FBXL2: variants seen among roughly 807,000 people sequenced by gnomAD.
FBXL2 encodes the protein F-box and leucine rich repeat protein 2, also known as F-box/LRR-repeat protein 2.
Under a neutral mutation model 69.2 loss-of-function variants are expected in FBXL2, and 38 were observed. The ratio of observed to expected loss-of-function variants is 0.55; its 90% CI spans 0.42 to 0.72. The LOEUF is 0.72. FBXL2 is among the 30% of genes least tolerant of loss of function. FBXL2 has a pLI of 0.00. For missense variants in FBXL2, 354 were observed against 520.3 expected (o/e 0.68, Z 3.11); for synonymous variants, 192 against 201.3 (o/e 0.95, Z 0.39).
In FBXL2 at chr3:33,387,180, T is replaced by C. The variant is rs1311406226; in HGVS notation, c.*1572T>C. ...ACCATAGCAGTTAGTTAAATATACA[T>C]TTATACCCACTGTTTGTTGTGGAAG... On this transcript the variant is annotated 3_prime_UTR_variant, in exon 15 of 15. Transcript: ENST00000484457. 2.0e-5 allele frequency: 3 copies of C among 152,154 alleles called. No homozygotes were observed. Among genetic ancestry groups the C allele is most frequent in the African/African-American group, 7.2e-5 (3 of 41,414 alleles). The allele number at this position is 152,154 out of a possible 1,614,324, so 9.4% of individuals were successfully genotyped here.
Position 33,383,957 on chromosome 3 carries a change from T to C in FBXL2, c.952-32T>C, listed in dbSNP as rs780459671. The C allele has an allele frequency of 1.9e-6, 3 of 1,605,602 alleles. No homozygotes were observed. In the African/African-American group the frequency reaches 4.0e-5, roughly 21 times the overall value. On this transcript the variant is annotated intron_variant, in intron 13 of 14. Coordinates refer to ENST00000484457, the MANE Select transcript of FBXL2 (RefSeq NM_012157.5). ...GACTTGAGCCTTGGAATAAGGGTCC[T>C]GCAAACATTTACTCATGTCTTCCTG...
intron 2 of FBXL2, among the ~76,000 whole-genome samples, chr3:33,326,713 GA>G (rs1001752944): frequency 2.6e-5 from 4 of 151,754 alleles, no homozygotes; most frequent in African/African-American, 9.7e-5. Context: ...ATGGTCTTTT[GA>G]AAAAAAATTA....
chr3:33,366,963 AC>A (rs1172680228), intron 5 of FBXL2, among the ~76,000 whole-genome samples: 2 of 152,352 alleles, frequency 1.3e-5, no homozygotes, highest in East Asian at 1.9e-4. Flanking sequence ...AAATAAAAAA[AC>A]AATTTTAAAA....
At chr3:33,418,607 C>T in the FBXL2 span, among the ~76,000 whole-genome samples, 4 of 151,650 alleles carry the variant, frequency 2.6e-5, no homozygotes, top group African/African-American at 9.7e-5. Context: ...GCTTGTAATC[C>T]CAGCACTTTG....
intron 2 of FBXL2, among the ~76,000 whole-genome samples, chr3:33,314,775 T>C (rs926743899): frequency 6.6e-6 from 1 of 152,222 alleles, no homozygotes; most frequent in African/African-American, 2.4e-5. Context: ...TCTTTAAGAA[T>C]TGAGAAGCTA....
chr3:33,379,902 C>T (rs1480415745), intron 13 of FBXL2, among the ~76,000 whole-genome samples: 1 of 152,132 alleles, frequency 6.6e-6, no homozygotes, highest in Non-Finnish European at 1.5e-5. Context: ...AGAAAAATTA[C>T]ATGATCACAT....
intron 2 of FBXL2, among the ~76,000 whole-genome samples, chr3:33,312,360 A>G (rs543576100): frequency 6.6e-5 from 10 of 152,240 alleles, no homozygotes; most frequent in Middle Eastern, 3.4e-3. Context: ...CACCTGGCCT[A>G]TTTCTAATTA....
chr3:33,290,293 G>A (rs1224656611), intron 1 of FBXL2, among the ~76,000 whole-genome samples: 1 of 152,220 alleles, frequency 6.6e-6, no homozygotes, highest in East Asian at 1.9e-4. Context: ...AAAGGATTGA[G>A]CCTCCACTCC....
At chr3:33,339,149 A>G (rs921306573) in intron 2 of FBXL2, among the ~76,000 whole-genome samples, 1 of 152,258 alleles carries the variant, frequency 6.6e-6, no homozygotes, top group African/African-American at 2.4e-5. Flanking sequence ...AAAAGAAGAC[A>G]TACATGTGGC....
chr3:33,283,429 G>A (rs1432754782), intron 1 of FBXL2, among the ~76,000 whole-genome samples: 1 of 152,190 alleles, frequency 6.6e-6, no homozygotes, highest in Non-Finnish European at 1.5e-5. Context: ...GCTTTTTGAT[G>A]TGCTGCTGGA....
At chr3:33,277,288 A>T (rs957749796), upstream of FBXL2, 6 of 396,526 alleles carry the variant, frequency 1.5e-5, no homozygotes, top group Admixed American at 4.4e-5. Flanking sequence ...GATGGACCAG[A>T]TACGAAGTGG....
chr3:33,330,127 T>A (rs1270778330), intron 2 of FBXL2, among the ~76,000 whole-genome samples: 2 of 151,654 alleles, frequency 1.3e-5, no homozygotes, highest in Non-Finnish European at 2.9e-5. Context: ...TAGAAAAAAA[T>A]TTTAAATTAG....
chr3:33,355,987 A>C (rs954162694), intron 2 of FBXL2, among the ~76,000 whole-genome samples: 2 of 152,118 alleles, frequency 1.3e-5, no homozygotes, highest in African/African-American at 4.8e-5. Flanking sequence ...AAGGTTGGGG[A>C]GAGATGGGAA....
At chr3:33,347,110 A>T in intron 2 of FBXL2, among the ~76,000 whole-genome samples, 1 of 152,158 alleles carries the variant, frequency 6.6e-6, no homozygotes, top group Non-Finnish European at 1.5e-5. Flanking sequence ...TCCCCTCCAC[A>T]TCCTCCTGCC....
intron 11 of FBXL2, 98 bp from the exon 12 acceptor site, chr3:33,378,005 C>G: frequency 8.6e-7 from 1 of 1,158,546 alleles, no homozygotes; most frequent in East Asian, 2.3e-5. Flanking sequence ...CAGAAGAGAA[C>G]AAGGACACTG....
At chr3:33,403,793 C>T (rs535788854), downstream of FBXL2, 1 of 152,298 alleles carries the variant, frequency 6.6e-6, no homozygotes, top group Admixed American at 6.5e-5. Context: ...AGTCTTCAGA[C>T]TTGAGATACA....
intron 12 of FBXL2, chr3:33,396,767 T>C (rs2044012574): frequency 4.9e-6 from 3 of 607,078 alleles, no homozygotes; most frequent in East Asian, 7.3e-5. Flanking sequence ...TTTTGTTTTC[T>C]TGGCAACAAA....
At chr3:33,325,999 G>A (rs2038661141) in intron 2 of FBXL2, among the ~76,000 whole-genome samples, 3 of 151,876 alleles carry the variant, frequency 2.0e-5, no homozygotes, top group Admixed American at 2.0e-4. Context: ...CTGCTATTCT[G>A]GTGTCATTTT....
intron 2 of FBXL2, among the ~76,000 whole-genome samples, chr3:33,301,713 A>C (rs1348507786): frequency 6.6e-6 from 1 of 152,216 alleles, no homozygotes. Flanking sequence ...ATAGCCCAAC[A>C]AACAGCTTTT....
Sources: gnomAD v4.1 joint callset for allele counts (sites outside exome capture counted in the v4.1 genomes callset) on GRCh38, gnomAD v4.1.1 for gene constraint, MANE v1.5 for transcripts, NCBI Gene and HGNC (gene_info 2026-07-23, HGNC 2026-07-21) for gene names.